The following BICC1 variants were observed in gnomAD, a reference collection of about 807,000 sequenced individuals.
BICC1 encodes BicC family RNA binding protein 1, also known as protein bicaudal C homolog 1.
Under a neutral mutation model 111.0 loss-of-function variants are expected in BICC1, and 43 were observed. The ratio of observed to expected loss-of-function variants is 0.39; its 90% CI spans 0.30 to 0.50. The LOEUF (loss-of-function observed/expected upper bound fraction) is 0.50. Ranked by LOEUF, BICC1 falls within the 20% of genes least tolerant of loss-of-function variation. The pLI is 0.88. For missense variants in BICC1, 1,091 were observed against 1,203.2 expected, an observed-to-expected ratio of 0.91 and a Z score of 1.38; for synonymous variants, 467 against 434.4, an observed-to-expected ratio of 1.07 and a Z score of -0.93.
intron 2 of BICC1, among the ~76,000 whole-genome samples, chr10:58,677,927 G>T (rs147124397): frequency 2.6e-5 from 4 of 152,042 alleles, no homozygotes; most frequent in African/African-American, 9.7e-5. Context: ...CCAGAATTTC[G>T]TATCCAGCCA....
intron 2 of BICC1, among the ~76,000 whole-genome samples, chr10:58,673,609 A>G (rs1449002665): frequency 6.6e-6 from 1 of 151,912 alleles, no homozygotes; most frequent in Admixed American, 6.6e-5. Context: ...GTATTACCAC[A>G]TTCTTGTTAT....
chr10:58,800,389 G>A (rs1843505842), intron 13 of BICC1, 63 bp downstream of exon 13: 1 of 1,547,326 alleles, frequency 6.5e-7, no homozygotes. Flanking sequence ...AGGTTGTAGA[G>A]AGTCTATGCA....
intron 2 of BICC1, among the ~76,000 whole-genome samples, chr10:58,679,759 CT>C (rs748032262): frequency 2.6e-5 from 4 of 152,162 alleles, no homozygotes; most frequent in African/African-American, 4.8e-5. Flanking sequence ...GCCGGTACCC[CT>C]GATGAACATC....
chr10:58,747,792 T>G (rs1841876155), intron 3 of BICC1, among the ~76,000 whole-genome samples: 1 of 152,182 alleles, frequency 6.6e-6, no homozygotes, highest in African/African-American at 2.4e-5. Context: ...AGTTGTTAGC[T>G]CTCTTGCTTT....
At chr10:58,591,000 C>T (rs1844596277) in intron 1 of BICC1, among the ~76,000 whole-genome samples, 1 of 152,110 alleles carries the variant, frequency 6.6e-6, no homozygotes, top group South Asian at 2.1e-4. Context: ...TCTACTAGTT[C>T]CCCCCTCCCT....
At chr10:58,791,798 CT>C (rs1843187645) in intron 8 of BICC1, among the ~76,000 whole-genome samples, 1 of 151,804 alleles carries the variant, frequency 6.6e-6, no homozygotes, top group African/African-American at 2.4e-5. Context: ...ATTTCTTTTT[CT>C]TTTTTTAGTT....
intron 3 of BICC1, among the ~76,000 whole-genome samples, chr10:58,784,105 TTG>T (rs1842948329): frequency 6.6e-6 from 1 of 152,202 alleles, no homozygotes; most frequent in South Asian, 2.1e-4. Flanking sequence ...CCTCATCTTT[TTG>T]TGTTACTCTT....
At chr10:58,524,818 A>G (rs911796428) in intron 1 of BICC1, among the ~76,000 whole-genome samples, 5 of 152,240 alleles carry the variant, frequency 3.3e-5, no homozygotes, top group Non-Finnish European at 5.9e-5. Flanking sequence ...CTCATCTCCC[A>G]AAGGGCTAAT....
chr10:58,750,406 G>GA (rs754088498), intron 3 of BICC1, among the ~76,000 whole-genome samples: 4 of 151,780 alleles, frequency 2.6e-5, no homozygotes, highest in South Asian at 2.1e-4. Context: ...CACTAAGGAA[G>GA]AAAAAAAATG....
chr10:58,648,559 G>A, intron 2 of BICC1: 1 of 985,138 alleles, frequency 1.0e-6, no homozygotes, highest in Non-Finnish European at 1.2e-6. Context: ...GCTATGATAT[G>A]GAGGGAACAA....
At chr10:58,709,422 G>T (rs1724773403) in intron 3 of BICC1, among the ~76,000 whole-genome samples, 2 of 152,326 alleles carry the variant, frequency 1.3e-5, no homozygotes, top group African/African-American at 4.8e-5. Context: ...TATATTAGTA[G>T]GTCATGATAT....
At chr10:58,578,743 G>C (rs35212145) in intron 1 of BICC1, among the ~76,000 whole-genome samples, 1 of 151,794 alleles carries the variant, frequency 6.6e-6, no homozygotes, top group East Asian at 1.9e-4. Flanking sequence ...CTATCCCCTC[G>C]CCCCTCATCA....
intron 20 of BICC1, among the ~76,000 whole-genome samples, chr10:58,824,725 C>G (rs1429417416): frequency 1.3e-5 from 2 of 152,178 alleles, no homozygotes; most frequent in Non-Finnish European, 2.9e-5. Context: ...AATCACTGCT[C>G]TAGCCCCTCA....
At chr10:58,640,122 G>A (rs1351885128) in intron 2 of BICC1, among the ~76,000 whole-genome samples, 3 of 151,770 alleles carry the variant, frequency 2.0e-5, no homozygotes, top group Non-Finnish European at 2.9e-5. Flanking sequence ...TTTTTCTGAT[G>A]GGAGTACTGA....
intron 12 of BICC1, 106 bp from the exon 13 acceptor site, chr10:58,800,088 G>T (rs1196648019): frequency 1.3e-6 from 1 of 767,434 alleles, no homozygotes. Flanking sequence ...AAGTATTCCA[G>T]GGTGGTTTTC....
chr10:58,816,029 G>T (rs1844076100), intron 18 of BICC1, among the ~76,000 whole-genome samples: 1 of 152,086 alleles, frequency 6.6e-6, no homozygotes, highest in African/African-American at 2.4e-5. Flanking sequence ...TAACACCCTT[G>T]TCAAGGTCAC....
chr10:58,741,956 T>A (rs971197295), intron 3 of BICC1, among the ~76,000 whole-genome samples: 3 of 152,342 alleles, frequency 2.0e-5, no homozygotes, highest in Middle Eastern at 6.8e-3. Flanking sequence ...CATTTAAGCC[T>A]TGGACTTGTT....
intron 1 of BICC1, among the ~76,000 whole-genome samples, chr10:58,529,093 T>G (rs1179811617): frequency 1.3e-5 from 2 of 151,970 alleles, no homozygotes; most frequent in African/African-American, 4.8e-5. Context: ...CTATGGTAAT[T>G]GAGCAGAGAT....
chr10:58,583,693 A>G lies in BICC1; in HGVS notation c.191-37162A>G, dbSNP rs188552752. 2.3e-3 allele frequency among the ~76,000 whole-genome samples: 348 copies of G among 151,722 alleles called. 3 individuals carry two copies. Among genetic ancestry groups the G allele is most frequent in the African/African-American group, 7.7e-3 (317 of 41,356 alleles). On this transcript the variant is annotated intron_variant, in intron 1 of 20. Transcript: ENST00000373886. ...ATTGATGGGCATTTGAGCTGATTCC[A>G]TATTTTTGTAGTTGCAAATTGTGCT...
Sources: allele counts gnomAD v4.1 joint callset (sites outside exome capture counted in the v4.1 genomes callset), GRCh38; gene constraint gnomAD v4.1.1; transcripts MANE v1.5; gene names NCBI Gene and HGNC (gene_info 2026-07-23, HGNC 2026-07-21).